Variants in CDH12 observed in about 807,000 individuals in gnomAD.
CDH12 encodes cadherin-12.
Under a neutral mutation model 74.1 loss-of-function variants are expected in CDH12, and 41 were observed. The ratio of observed to expected loss-of-function variants is 0.55; its 90% CI spans 0.43 to 0.72. The LOEUF (loss-of-function observed/expected upper bound fraction) is 0.72. Ranked by LOEUF, CDH12 falls within the 30% of genes least tolerant of loss-of-function variation. The probability of loss-of-function intolerance (pLI) is 0.00; values close to 1 mark genes in which losing one functional copy is unlikely to be tolerated. For synonymous variants in CDH12, 399 were observed against 355.0 expected, an observed-to-expected ratio of 1.12 and a Z score of -1.39; for missense variants, 945 against 977.2, an observed-to-expected ratio of 0.97 and a Z score of 0.44.
chr5:21,935,699 A>C (rs2150085208), intron 6 of CDH12, among the ~76,000 whole-genome samples: 1 of 152,194 alleles, frequency 6.6e-6, no homozygotes. Context: ...CATTCTTTCT[A>C]ACTATGTTTT....
At chr5:22,772,286 A>G (rs1561020031) in intron 1 of CDH12, among the ~76,000 whole-genome samples, 1 of 152,000 alleles carries the variant, frequency 6.6e-6, no homozygotes, top group East Asian at 1.9e-4. Flanking sequence ...AGTCACGTGT[A>G]CTCGAGGAAC....
chr5:22,090,107 A>G (rs1230267776), intron 4 of CDH12, among the ~76,000 whole-genome samples: 1 of 152,080 alleles, frequency 6.6e-6, no homozygotes, highest in Non-Finnish European at 1.5e-5. Flanking sequence ...TAAACACACC[A>G]AATTGTTCCT....
chr5:22,002,586 G>A (rs940107464), intron 5 of CDH12, among the ~76,000 whole-genome samples: 3 of 151,922 alleles, frequency 2.0e-5, no homozygotes, highest in Non-Finnish European at 4.4e-5. Flanking sequence ...TTATCTGATT[G>A]AGCATCTGTA....
chr5:22,760,252 AGTTT>A (rs1298521205), intron 1 of CDH12, among the ~76,000 whole-genome samples: 2 of 152,210 alleles, frequency 1.3e-5, no homozygotes, highest in Non-Finnish European at 2.9e-5. Flanking sequence ...AAGACAATAC[AGTTT>A]GTTGGTTAAC....
chr5:22,428,297 C>T (rs538222704), intron 2 of CDH12, among the ~76,000 whole-genome samples: 7 of 151,958 alleles, frequency 4.6e-5, no homozygotes, highest in East Asian at 3.9e-4. Context: ...TTATCTATAG[C>T]GGAAACTCTC....
At chr5:22,048,714 A>G (rs1740137615) in intron 5 of CDH12, among the ~76,000 whole-genome samples, 1 of 152,180 alleles carries the variant, frequency 6.6e-6, no homozygotes, top group African/African-American at 2.4e-5. Context: ...GAGAACATAT[A>G]TTATCATATG....
chr5:22,733,379 A>T (rs1744529351), intron 1 of CDH12, among the ~76,000 whole-genome samples: 1 of 151,928 alleles, frequency 6.6e-6, no homozygotes, highest in South Asian at 2.1e-4. Context: ...AAATTCAAAA[A>T]ATATGCATTT....
chr5:22,306,141 T>C (rs1738099545), intron 3 of CDH12, among the ~76,000 whole-genome samples: 1 of 152,068 alleles, frequency 6.6e-6, no homozygotes, highest in Non-Finnish European at 1.5e-5. Context: ...TTTGCCCCCC[T>C]CTACTACAAG....
intron 2 of CDH12, among the ~76,000 whole-genome samples, chr5:22,436,116 C>T (rs1170572070): frequency 6.6e-6 from 1 of 151,254 alleles, no homozygotes; most frequent in Non-Finnish European, 1.5e-5. Context: ...ATGTCCTTTG[C>T]AGGGACATGG....
intron 6 of CDH12, among the ~76,000 whole-genome samples, chr5:21,962,550 T>A: frequency 6.6e-6 from 1 of 152,290 alleles, no homozygotes; most frequent in Middle Eastern, 3.4e-3. Flanking sequence ...ACTGCTTTTT[T>A]CCCCTTGATT....
intron 1 of CDH12, among the ~76,000 whole-genome samples, chr5:22,578,389 G>T (rs113788250): frequency 0.36 from 54,499 of 150,048 alleles, 10,920 homozygotes; most frequent in African/African-American, 0.5. Context: ...GTGTGTGTGG[G>T]GGGGGGGTGT....
chr5:22,138,845 AATATATATATAT>A lies in CDH12; in HGVS notation c.-186-59995_-186-59984del, dbSNP rs67115449. On this transcript the variant is annotated intron_variant, in intron 4 of 14. Transcript: ENST00000382254. ...AATATATATGTGTACATATATACGTAATATATATATATATATATATATATATATATACATGTT... is the reference window on the plus strand; with the variant it reads ...AATATATATGTGTACATATATACGTAATATATATATATATATATACATGTT... Among the ~76,000 whole-genome samples the A allele has an allele frequency of 1.3e-3, 103 of 76,578 alleles. 2 individuals carry two copies. The highest frequency in any genetic ancestry group is 2.7e-3 in the African/African-American group (60 of 22,610). The allele number at this position is 76,578 out of a possible 152,430, so 50.2% of individuals were successfully genotyped here. A position where few individuals can be genotyped will look rare whatever the true frequency, so the allele number is the denominator to read the frequency against.
intron 1 of CDH12, among the ~76,000 whole-genome samples, chr5:22,827,183 G>A (rs1177703504): frequency 6.6e-6 from 1 of 152,052 alleles, no homozygotes; most frequent in Non-Finnish European, 1.5e-5. Context: ...TGTAGAGCTC[G>A]GGCTGTGGCT....
intron 4 of CDH12, among the ~76,000 whole-genome samples, chr5:22,205,931 T>C (rs1751191697): frequency 6.6e-6 from 1 of 152,040 alleles, no homozygotes; most frequent in South Asian, 2.1e-4. Flanking sequence ...CTATTCTATG[T>C]CCAAAATGGT....
intron 1 of CDH12, among the ~76,000 whole-genome samples, chr5:22,782,182 G>T (rs1448158864): frequency 1.3e-5 from 2 of 152,172 alleles, no homozygotes; most frequent in East Asian, 3.9e-4. Flanking sequence ...TTGGGGGACT[G>T]TTGGGAAGAC....
intron 2 of CDH12, among the ~76,000 whole-genome samples, chr5:22,411,600 A>G (rs535499405): frequency 6.6e-6 from 1 of 152,218 alleles, no homozygotes; most frequent in African/African-American, 2.4e-5. Flanking sequence ...ACAATTTAAG[A>G]AAAATACATA....
intron 1 of CDH12, among the ~76,000 whole-genome samples, chr5:22,596,240 C>G (rs1253059652): frequency 1.3e-5 from 2 of 151,954 alleles, no homozygotes; most frequent in African/African-American, 4.8e-5. Flanking sequence ...GATTTTAAGA[C>G]CAGCCTGGCC....
chr5:22,443,234 T>A (rs1265244134), intron 2 of CDH12, among the ~76,000 whole-genome samples: 1 of 152,168 alleles, frequency 6.6e-6, no homozygotes, highest in Non-Finnish European at 1.5e-5. Context: ...ACTCCTAGAC[T>A]TTTAATTAAG....
At chr5:21,825,152 CAAA>C (rs34483269) in intron 8 of CDH12, among the ~76,000 whole-genome samples, 10 of 122,100 alleles carry the variant, frequency 8.2e-5, no homozygotes, top group African/African-American at 5.8e-5. Flanking sequence ...GACTCTATCT[CAAA>C]AAAAAAAAAA....
Sources: allele counts gnomAD v4.1 joint callset (sites outside exome capture counted in the v4.1 genomes callset), GRCh38; gene constraint gnomAD v4.1.1; transcripts MANE v1.5; gene names NCBI Gene and HGNC (gene_info 2026-07-23, HGNC 2026-07-21).